STPG2: variants seen among roughly 807,000 people sequenced by gnomAD.
The protein encoded by STPG2 is sperm-tail PG-rich repeat-containing protein 2.
Under a neutral mutation model 54.2 loss-of-function variants are expected in STPG2, and 56 were observed. That is an observed-to-expected ratio of 1.03 (90% CI 0.83 to 1.29). The LOEUF (loss-of-function observed/expected upper bound fraction) is 1.29. Among genes scored for constraint, STPG2 ranks in the 50% most tolerant of loss-of-function variants. The pLI is 0.00. For missense variants in STPG2, 596 were observed against 544.9 expected (o/e 1.09, Z -0.93); for synonymous variants, 200 against 181.8 (o/e 1.10, Z -0.81).
intron 5 of STPG2, among the ~76,000 whole-genome samples, chr4:98,038,066 G>A (rs1736828399): frequency 6.6e-6 from 1 of 151,928 alleles, no homozygotes. Context: ...TTTAAGACAG[G>A]GTCTTGCTAT....
chr4:97,678,587 AT>A (rs966529503), intron 10 of STPG2, among the ~76,000 whole-genome samples: 6 of 151,716 alleles, frequency 4.0e-5, no homozygotes, highest in Non-Finnish European at 7.4e-5. Flanking sequence ...TGCCCATTTT[AT>A]TTATTTTTTA....
intron 10 of STPG2, among the ~76,000 whole-genome samples, chr4:97,560,735 A>T (rs1378631868): frequency 6.6e-6 from 1 of 152,182 alleles, no homozygotes; most frequent in Non-Finnish European, 1.5e-5. Context: ...GTTTCGAAAG[A>T]GCCAGTACAA....
chr4:97,701,706 G>T (rs913050509), intron 10 of STPG2, among the ~76,000 whole-genome samples: 3 of 152,158 alleles, frequency 2.0e-5, no homozygotes, highest in Non-Finnish European at 4.4e-5. Context: ...AATTAAGTAG[G>T]AATGCAGTAG....
chr4:97,466,742 A>G (rs1042880178), intron 4 of STPG2, among the ~76,000 whole-genome samples: 1 of 152,050 alleles, frequency 6.6e-6, no homozygotes, highest in Non-Finnish European at 1.5e-5. Flanking sequence ...CAGAAATATA[A>G]GAACAAAATA....
At chr4:97,871,829 A>C (rs1051126421) in intron 8 of STPG2, among the ~76,000 whole-genome samples, 2 of 151,124 alleles carry the variant, frequency 1.3e-5, no homozygotes, top group African/African-American at 4.8e-5. Context: ...AAATCTTATA[A>C]ATGTGATATG....
chr4:97,798,462 G>A (rs1727277129), intron 9 of STPG2, among the ~76,000 whole-genome samples: 1 of 152,132 alleles, frequency 6.6e-6, no homozygotes, highest in Admixed American at 6.5e-5. Context: ...TTCAGGAGCA[G>A]GTTGTTCAGA....
chr4:97,578,408 G>A (rs985298094), intron 10 of STPG2, among the ~76,000 whole-genome samples: 1 of 152,098 alleles, frequency 6.6e-6, no homozygotes, highest in Non-Finnish European at 1.5e-5. Flanking sequence ...CAGAAGTAGT[G>A]GGTAGCCTGA....
At chr4:97,484,679 G>C (rs772774404) in intron 4 of STPG2, among the ~76,000 whole-genome samples, 1 of 151,732 alleles carries the variant, frequency 6.6e-6, no homozygotes. Flanking sequence ...CCATAAGATA[G>C]AGAAAGAGGG....
chr4:97,584,144 T>C (rs1328428146), intron 10 of STPG2, among the ~76,000 whole-genome samples: 2 of 151,968 alleles, frequency 1.3e-5, no homozygotes, highest in Non-Finnish European at 2.9e-5. Flanking sequence ...AAAACAAGTC[T>C]CAATAAATTT....
chr4:98,109,062 C>A, intron 4 of STPG2, 131 bp downstream of exon 4: 1 of 517,628 alleles, frequency 1.9e-6, no homozygotes, highest in Non-Finnish European at 3.3e-6. Flanking sequence ...ATACATTACA[C>A]CAAAATGTAA....
chr4:98,031,453 C>A (rs143736983), intron 5 of STPG2, among the ~76,000 whole-genome samples: 1,786 of 152,070 alleles, frequency 0.012, 29 homozygotes, highest in African/African-American at 0.041. Flanking sequence ...CTGAGATGGG[C>A]GGATCACAAG....
At chr4:97,905,260 G>A (rs1204180138) in intron 8 of STPG2, among the ~76,000 whole-genome samples, 10 of 152,182 alleles carry the variant, frequency 6.6e-5, no homozygotes, top group South Asian at 4.2e-4. Context: ...CGGATGTCTC[G>A]GCAGAAACTC....
chr4:97,477,641 T>C (rs1433664505), intron 4 of STPG2, among the ~76,000 whole-genome samples: 1 of 146,510 alleles, frequency 6.8e-6, no homozygotes, highest in Non-Finnish European at 1.5e-5. Flanking sequence ...CATGCCCGGC[T>C]AATTTTTTTT....
chr4:98,026,042 C>T (rs1200330455), intron 5 of STPG2: 7 of 1,057,298 alleles, frequency 6.6e-6, no homozygotes, highest in Non-Finnish European at 1.0e-5. Context: ...TTACAAGAAA[C>T]AGTTCTCTCA....
chr4:97,543,986 T>C (rs1731778719), intron 4 of STPG2, among the ~76,000 whole-genome samples: 2 of 152,180 alleles, frequency 1.3e-5, no homozygotes, highest in Admixed American at 1.3e-4. Context: ...GGTACGAATA[T>C]TGAAAAACCT....
intron 10 of STPG2, among the ~76,000 whole-genome samples, chr4:97,664,611 G>A (rs1722466416): frequency 6.6e-6 from 1 of 152,102 alleles, no homozygotes; most frequent in South Asian, 2.1e-4. Flanking sequence ...CTTAGGCAAG[G>A]CATTTTTAAG....
chr4:97,816,630 T>G (rs936630427), intron 9 of STPG2, among the ~76,000 whole-genome samples: 16 of 152,160 alleles, frequency 1.1e-4, no homozygotes, highest in Non-Finnish European at 4.4e-5. Flanking sequence ...TCACCACGGA[T>G]GAGCATCATG....
chr4:97,834,241 A>G (rs1312755666), intron 9 of STPG2, among the ~76,000 whole-genome samples: 1 of 152,158 alleles, frequency 6.6e-6, no homozygotes, highest in Non-Finnish European at 1.5e-5. Context: ...CATCATTCTC[A>G]GCAAACTAAC....
At chr4:97,726,036 A>T (rs1398621454) in intron 9 of STPG2, among the ~76,000 whole-genome samples, 1 of 151,936 alleles carries the variant, frequency 6.6e-6, no homozygotes, top group Non-Finnish European at 1.5e-5. Context: ...ATATCTTGAA[A>T]TATAAAGTCC....
Sources: allele counts gnomAD v4.1 joint callset (sites outside exome capture counted in the v4.1 genomes callset), GRCh38; gene constraint gnomAD v4.1.1; transcripts MANE v1.5; gene names NCBI Gene and HGNC (gene_info 2026-07-23, HGNC 2026-07-21).